The following ZNF232 variants were observed in gnomAD, a reference collection of about 807,000 sequenced individuals.
ZNF232 encodes the protein zinc finger and SCAN domain-containing protein 11.
ZNF232 carries 25 observed loss-of-function variants against 25.2 expected under a neutral mutation model. That is an observed-to-expected ratio of 0.99 (90% CI 0.72 to 1.39). The LOEUF (loss-of-function observed/expected upper bound fraction) is 1.39. Among genes scored for constraint, ZNF232 ranks in the 40% most tolerant of loss-of-function variants. ZNF232 has a pLI of 0.00. For synonymous variants in ZNF232, 193 were observed against 182.9 expected (o/e 1.06, Z -0.45); for missense variants, 519 against 520.9 (o/e 1.00, Z 0.04).
chr17:5,108,179 T>C (rs2072307975), intron 3 of ZNF232, among the ~76,000 whole-genome samples: 1 of 152,144 alleles, frequency 6.6e-6, no homozygotes, highest in South Asian at 2.1e-4. Context: ...GGGGGGGCAG[T>C]TATGGTGTAA....
chr17:5,106,587 A>C, intron 3 of ZNF232, 54 bp from the exon 4 acceptor site: 1 of 1,442,302 alleles, frequency 6.9e-7, no homozygotes, highest in Non-Finnish European at 9.4e-7. Flanking sequence ...CTGGAATGAA[A>C]ACAAATGCTT....
chr17:5,107,337 G>A (rs1159986134), intron 3 of ZNF232, among the ~76,000 whole-genome samples: 5 of 126,442 alleles, frequency 4.0e-5, no homozygotes, highest in Non-Finnish European at 3.2e-5. Flanking sequence ...GCAGTGAGCC[G>A]AGATCACGCC....
Position 5,105,897 on chromosome 17 carries a change from CCA to C in ZNF232, c.1233_1234del (p.Cys411TrpfsTer12). On this transcript the variant is annotated frameshift_variant, in exon 4 of 4. Coordinates refer to ENST00000575898, the Ensembl canonical transcript of ZNF232. LOFTEE classifies it low-confidence loss of function (END_TRUNC). ...CTCTGAGCACCATCCATAAGCTTTCCCACATTCTTTACATATAAAAGGTTTCT... is the reference window on the plus strand; with the variant it reads ...CTCTGAGCACCATCCATAAGCTTTCCCATTCTTTACATATAAAAGGTTTCT... 4 of 1,614,116 alleles carry C rather than the reference CCA, an allele frequency of 2.5e-6. No homozygotes were observed. Among genetic ancestry groups the C allele is most frequent in the Non-Finnish European group, 3.4e-6 (4 of 1,180,008 alleles).
intron 3 of ZNF232, 25 bp from the exon 4 acceptor site, chr17:5,106,558 T>C: frequency 6.5e-7 from 1 of 1,537,658 alleles, no homozygotes; most frequent in Non-Finnish European, 8.8e-7. Context: ...AAATGACACT[T>C]AGATTAAAAT....
chr17:5,115,692 T>TTA (rs1431821481), upstream of ZNF232, among the ~76,000 whole-genome samples: 5 of 152,226 alleles, frequency 3.3e-5, no homozygotes, highest in African/African-American at 1.2e-4. Flanking sequence ...GAAATTTCGT[T>TTA]TTTAGAGTGT....
intron 1 of ZNF232, chr17:5,121,890 A>G (rs1035481447): frequency 3.9e-5 from 6 of 152,832 alleles, no homozygotes; most frequent in Admixed American, 1.3e-4. Context: ...GAAACTGACA[A>G]TGCAGGCTGG....
chr17:5,119,243 A>C (rs935034609), intron 1 of ZNF232, among the ~76,000 whole-genome samples: 7 of 152,224 alleles, frequency 4.6e-5, no homozygotes, highest in African/African-American at 1.4e-4. Flanking sequence ...TATGAAGGCA[A>C]ACTTTGATCA....
intron 1 of ZNF232, among the ~76,000 whole-genome samples, chr17:5,110,551 C>T (rs1415881146): frequency 1.3e-5 from 2 of 152,222 alleles, no homozygotes; most frequent in East Asian, 3.8e-4. Flanking sequence ...GTTGGGGAGG[C>T]AGCCTCCTCT....
chr17:5,114,059 G>A (rs1297051370), upstream of ZNF232: 1 of 152,096 alleles, frequency 6.6e-6, no homozygotes, highest in Non-Finnish European at 1.5e-5. Context: ...ATTGCTCTTA[G>A]GAAGCTTACA....
At chr17:5,112,871 A>T (rs1001707359), upstream of ZNF232, among the ~76,000 whole-genome samples, 3 of 151,810 alleles carry the variant, frequency 2.0e-5, no homozygotes, top group African/African-American at 7.3e-5. Flanking sequence ...AGGCAGGAGA[A>T]TCGTTTGAAC....
intron 1 of ZNF232, among the ~76,000 whole-genome samples, chr17:5,119,755 C>A (rs2072609652): frequency 1.3e-5 from 2 of 152,218 alleles, no homozygotes; most frequent in African/African-American, 4.8e-5. Flanking sequence ...AAACAAGGAA[C>A]TTCTGCCCAG....
At chr17:5,109,099 T>C (rs1443994674) in intron 2 of ZNF232, 47 bp from the exon 3 acceptor site, 1 of 1,612,270 alleles carries the variant, frequency 6.2e-7, no homozygotes, top group African/African-American at 1.3e-5. Flanking sequence ...TTCAAATTAC[T>C]AGTGTGGTTT....
rs112466413 is a variant in ZNF232, at chr17:5,107,916, T to TAA, written c.625+1008_625+1009dup. 2.2e-3 allele frequency among the ~76,000 whole-genome samples: 329 copies of TAA among 149,574 alleles called. 2 individuals carry two copies. Among genetic ancestry groups the TAA allele is most frequent in the African/African-American group, 7.4e-3 (302 of 40,830 alleles). ...AAATCTGAAATATGCTTGCTATATA[T>TAA]AAAAAAAAAATCACACAATAGCTAG... is the stretch of plus-strand genomic sequence containing the variant. On this transcript the variant is annotated intron_variant, in intron 3 of 3. Coordinates refer to ENST00000575898, the Ensembl canonical transcript of ZNF232.
At chr17:5,110,915 G>A (rs2072391182) in intron 1 of ZNF232, among the ~76,000 whole-genome samples, 2 of 152,238 alleles carry the variant, frequency 1.3e-5, no homozygotes, top group Admixed American at 1.3e-4. Context: ...GGAAGGAGGA[G>A]AGAAGAGGGA....
chr17:5,111,768 T>G (rs746786916), intron 1 of ZNF232, 32 bp downstream of exon 1: 1 of 1,613,522 alleles, frequency 6.2e-7, no homozygotes, highest in Non-Finnish European at 8.5e-7. Flanking sequence ...AGCCGCCAGG[T>G]GGACCTCGGG....
chr17:5,109,001 C>A lies in ZNF232; in HGVS notation c.550G>T (p.Glu184Ter). Residue 184 changes from glutamate (E) to a stop codon, truncating the protein, a stop_gained, in exon 3 of 4, where the codon GAA (glutamate) becomes TAA (stop). Transcript: ENST00000575898. LOFTEE classifies it high-confidence loss of function. ...GCTTCCTGGGCTGCTCCCAGAGATT[C>A]CTTCTTCTCCCATGGCTCTTCCTGT... 6.2e-7 allele frequency: 1 copy of A among 1,614,138 alleles called. No individual in the cohort carries two copies. Among genetic ancestry groups the A allele is most frequent in the South Asian group, 1.1e-5 (1 of 91,080 alleles).
At chr17:5,115,091 A>G (rs888282163), upstream of ZNF232, 1 of 152,108 alleles carries the variant, frequency 6.6e-6, no homozygotes, top group Non-Finnish European at 1.5e-5. Context: ...CTTTAGGTAG[A>G]AGGACCCCAC....
chr17:5,112,011 G>C (rs1003618734), upstream of ZNF232: 8 of 843,576 alleles, frequency 9.5e-6, no homozygotes, highest in East Asian at 1.9e-4. Flanking sequence ...TCCTGGACTT[G>C]AGCGGAGCGA....
chr17:5,111,894 A>G, upstream of ZNF232: 1 of 1,596,938 alleles, frequency 6.3e-7, no homozygotes, highest in Non-Finnish European at 8.5e-7. Context: ...CGCAGGTCGC[A>G]GCCTCGGCCT....
Sources: allele counts gnomAD v4.1 joint callset (sites outside exome capture counted in the v4.1 genomes callset), GRCh38; gene constraint gnomAD v4.1.1; transcripts MANE v1.5; gene names NCBI Gene and HGNC (gene_info 2026-07-23, HGNC 2026-07-21).